The following SPOCK1 variants were observed in gnomAD, a reference collection of about 807,000 sequenced individuals.
The protein encoded by SPOCK1 is SPARC (osteonectin), cwcv and kazal like domains proteoglycan 1.
In SPOCK1, 23 loss-of-function variants were observed where a neutral mutation model predicts 55.3. The ratio of observed to expected loss-of-function variants is 0.42; its 90% CI spans 0.30 to 0.59. The LOEUF is 0.59. SPOCK1 is among the 20% of genes least tolerant of loss of function. The pLI is 0.22. For synonymous variants in SPOCK1, 226 were observed against 221.0 expected (o/e 1.02, Z -0.20); for missense variants, 499 against 552.5 (o/e 0.90, Z 0.97).
At chr5:137,187,020 C>A (rs536808578) in intron 3 of SPOCK1, among the ~76,000 whole-genome samples, 2 of 152,298 alleles carry the variant, frequency 1.3e-5, no homozygotes, top group East Asian at 3.9e-4. Flanking sequence ...CCCATCCAGT[C>A]CACGTCCCAC....
At chr5:137,210,277 A>G (rs1345915517) in intron 3 of SPOCK1, among the ~76,000 whole-genome samples, 2 of 152,180 alleles carry the variant, frequency 1.3e-5, no homozygotes, top group Non-Finnish European at 2.9e-5. Context: ...TTTTACGTGA[A>G]TTCATCTCAA....
intron 2 of SPOCK1, among the ~76,000 whole-genome samples, chr5:137,480,673 T>C (rs1753932306): frequency 6.6e-6 from 1 of 152,034 alleles, no homozygotes; most frequent in Admixed American, 6.6e-5. Context: ...CCCCAACTTC[T>C]CCCCACTCCA....
At chr5:137,368,171 T>C (rs1751117708) in intron 2 of SPOCK1, among the ~76,000 whole-genome samples, 1 of 152,252 alleles carries the variant, frequency 6.6e-6, no homozygotes. Context: ...CAGCTAATTA[T>C]GGCTTTTGAA....
intron 2 of SPOCK1, among the ~76,000 whole-genome samples, chr5:137,394,099 C>T (rs1469441910): frequency 1.3e-5 from 2 of 152,194 alleles, no homozygotes; most frequent in African/African-American, 4.8e-5. Context: ...GGCAATGCTT[C>T]CTTCTCTGAA....
At chr5:137,419,655 T>C (rs1485445786) in intron 2 of SPOCK1, among the ~76,000 whole-genome samples, 1 of 152,230 alleles carries the variant, frequency 6.6e-6, no homozygotes, top group East Asian at 1.9e-4. Flanking sequence ...TGATTTTGTA[T>C]CCTGAGACTT....
chr5:137,078,381 T>C (rs1359920956), intron 5 of SPOCK1, among the ~76,000 whole-genome samples: 1 of 152,184 alleles, frequency 6.6e-6, no homozygotes, highest in Non-Finnish European at 1.5e-5. Flanking sequence ...CCATGCTGCC[T>C]GTTCCCCACT....
At chr5:137,428,531 A>G (rs957955221) in intron 2 of SPOCK1, among the ~76,000 whole-genome samples, 3 of 152,056 alleles carry the variant, frequency 2.0e-5, no homozygotes, top group Admixed American at 6.5e-5. Context: ...TGTGTCAACC[A>G]TTTTCATTCT....
intron 2 of SPOCK1, among the ~76,000 whole-genome samples, chr5:137,280,896 A>T (rs1301584536): frequency 6.6e-6 from 1 of 152,196 alleles, no homozygotes; most frequent in Non-Finnish European, 1.5e-5. Flanking sequence ...CCTGCAAAGG[A>T]AGGACAGACA....
chr5:137,172,941 T>C (rs1447900891), intron 3 of SPOCK1, among the ~76,000 whole-genome samples: 1 of 152,174 alleles, frequency 6.6e-6, no homozygotes, highest in Non-Finnish European at 1.5e-5. Flanking sequence ...AAGCACATGG[T>C]TGACCAGGAC....
At chr5:137,099,289 G>T (rs1252983510) in intron 5 of SPOCK1, among the ~76,000 whole-genome samples, 1 of 152,122 alleles carries the variant, frequency 6.6e-6, no homozygotes, top group Admixed American at 6.5e-5. Context: ...CCCTCCACAG[G>T]TCTCATTTTT....
chr5:137,318,810 G>T (rs889071357), intron 2 of SPOCK1, among the ~76,000 whole-genome samples: 2 of 152,130 alleles, frequency 1.3e-5, no homozygotes, highest in African/African-American at 4.8e-5. Flanking sequence ...CTTTTCTCTT[G>T]GTCAAGATAA....
At chr5:137,102,060 A>G (rs1753278840) in intron 5 of SPOCK1, among the ~76,000 whole-genome samples, 1 of 152,292 alleles carries the variant, frequency 6.6e-6, no homozygotes, top group East Asian at 1.9e-4. Context: ...TGAGGCTAAC[A>G]TAGTTAATAT....
intron 3 of SPOCK1, among the ~76,000 whole-genome samples, chr5:137,193,895 C>T (rs1432797478): frequency 6.6e-6 from 1 of 152,060 alleles, no homozygotes; most frequent in East Asian, 1.9e-4. Flanking sequence ...AATTTATTTC[C>T]CCTTTAAGGA....
intron 2 of SPOCK1, among the ~76,000 whole-genome samples, chr5:137,319,277 T>A (rs984134444): frequency 4.6e-5 from 7 of 152,240 alleles, no homozygotes; most frequent in African/African-American, 1.7e-4. Context: ...AAAACCCATA[T>A]AATTCAATGA....
intron 3 of SPOCK1, among the ~76,000 whole-genome samples, chr5:137,190,066 A>C (rs1347628696): frequency 1.3e-5 from 2 of 149,672 alleles, no homozygotes; most frequent in Non-Finnish European, 3.0e-5. Flanking sequence ...ATGGATGAGA[A>C]AAGAAAGTGG....
chr5:136,993,926 C>G (rs968387666), intron 6 of SPOCK1, among the ~76,000 whole-genome samples: 31 of 152,276 alleles, frequency 2.0e-4, no homozygotes, highest in African/African-American at 6.3e-4. Context: ...TGAAACTTCT[C>G]CAGAAGAAAA....
intron 2 of SPOCK1, among the ~76,000 whole-genome samples, chr5:137,412,532 C>T (rs1752232510): frequency 6.6e-6 from 1 of 152,146 alleles, no homozygotes; most frequent in Admixed American, 6.5e-5. Flanking sequence ...ACAATGGAAG[C>T]GCAGGGTCAC....
At chr5:137,262,548 C>G (rs1756764862) in intron 3 of SPOCK1, among the ~76,000 whole-genome samples, 1 of 152,228 alleles carries the variant, frequency 6.6e-6, no homozygotes, top group African/African-American at 2.4e-5. Flanking sequence ...GAGTGTCCCC[C>G]AAGAGACGTC....
chr5:137,354,266 C>T lies in SPOCK1; in HGVS notation c.187-87211G>A, dbSNP rs149251963. 3.9e-3 allele frequency among the ~76,000 whole-genome samples: 597 copies of T among 152,298 alleles called. 5 individuals are homozygous for T. The highest frequency in any genetic ancestry group is 0.014 in the African/African-American group (561 of 41,550). On this transcript the variant is annotated intron_variant, in intron 2 of 10. Coordinates refer to ENST00000394945, the MANE Select transcript of SPOCK1 (RefSeq NM_004598.4). ...TCTCCTGCATTCCTATACTTACATC[C>T]TTCAATGCAGCCAAATCTTATCAGA...
Sources: allele counts gnomAD v4.1 joint callset (sites outside exome capture counted in the v4.1 genomes callset), GRCh38; gene constraint gnomAD v4.1.1; transcripts MANE v1.5; gene names NCBI Gene and HGNC (gene_info 2026-07-23, HGNC 2026-07-21).